The following CCDC63 variants were observed in gnomAD, a reference collection of about 807,000 sequenced individuals.
The protein encoded by CCDC63 is coiled-coil domain containing 63.
A neutral mutation model predicts 63.6 loss-of-function variants in CCDC63; 54 were observed. The observed-to-expected ratio is 0.85, with a 90% CI of 0.68 to 1.07. The LOEUF is 1.07. Ranked by LOEUF, CCDC63 falls within the 50% of genes least tolerant of loss-of-function variation. CCDC63 has a pLI of 0.00. For missense variants in CCDC63, 637 were observed against 689.6 expected (o/e 0.92, Z 0.86); for synonymous variants, 253 against 266.1 (o/e 0.95, Z 0.48).
At chr12:110,856,844 CTTTTTTTT>C (rs34855503) in intron 3 of CCDC63, among the ~76,000 whole-genome samples, 1 of 115,548 alleles carries the variant, frequency 8.7e-6, no homozygotes, top group African/African-American at 3.0e-5. Context: ...CCTTTCCTTT[CTTTTTTTT>C]TTTTTTTTTT....
chr12:110,884,723 G>C (rs1359393058), intron 8 of CCDC63, among the ~76,000 whole-genome samples: 1 of 151,848 alleles, frequency 6.6e-6, no homozygotes, highest in African/African-American at 2.4e-5. Flanking sequence ...GTCTTGCTCT[G>C]TCATCCAGGC....
chr12:110,901,715 C>G (rs962626372), intron 10 of CCDC63, among the ~76,000 whole-genome samples: 3 of 152,214 alleles, frequency 2.0e-5, no homozygotes, highest in Non-Finnish European at 4.4e-5. Flanking sequence ...TTTCAGTTAA[C>G]ATAATGACCT....
At chr12:110,857,888 CAT>C (rs1466271486) in intron 3 of CCDC63, among the ~76,000 whole-genome samples, 1 of 152,116 alleles carries the variant, frequency 6.6e-6, no homozygotes, top group Non-Finnish European at 1.5e-5. Context: ...AGGTGGATCA[CAT>C]GAGGCCAGTA....
At chr12:110,852,037 T>C (rs941640181) in intron 1 of CCDC63, among the ~76,000 whole-genome samples, 5 of 152,198 alleles carry the variant, frequency 3.3e-5, no homozygotes, top group African/African-American at 1.2e-4. Flanking sequence ...TCCTGCAGTC[T>C]GGAATTGGCT....
chr12:110,849,199 G>A (rs1175953470), intron 1 of CCDC63, among the ~76,000 whole-genome samples: 3 of 152,222 alleles, frequency 2.0e-5, no homozygotes, highest in African/African-American at 7.2e-5. Flanking sequence ...GACCATGTCA[G>A]TTAGGAATGC....
At position 110,880,050 on chromosome 12, in the gene CCDC63, T is replaced by A; in HGVS notation, c.634T>A (p.Leu212Met). ...CLLMEKKTMN[L>M]AIEQSSQAYE... Reference sequence around the variant, plus strand: ...GTTGATGGAGAAGAAAACCATGAACTTGGCCATTGAGCAATCTTCTCAGGC... The same window carrying A: ...GTTGATGGAGAAGAAAACCATGAACATGGCCATTGAGCAATCTTCTCAGGC... Residue 212 changes from leucine to methionine, a missense_variant, in exon 6 of 12, where the codon TTG (leucine) becomes ATG (methionine). Coordinates refer to ENST00000308208, the MANE Select transcript of CCDC63 (RefSeq NM_152591.3). 6.2e-7 allele frequency: 1 copy of A among 1,614,148 alleles called. No homozygotes were observed. The highest frequency in any genetic ancestry group is 1.7e-4 in the Middle Eastern group (1 of 6,058).
chr12:110,906,809 G>A (rs527315743), intron 11 of CCDC63, among the ~76,000 whole-genome samples: 54 of 152,254 alleles, frequency 3.5e-4, no homozygotes, highest in Admixed American at 1.2e-3. Flanking sequence ...GGAGAGGTGG[G>A]CCAAGCTGCT....
intron 4 of CCDC63, among the ~76,000 whole-genome samples, chr12:110,867,809 C>T (rs2070991649): frequency 2.0e-5 from 3 of 150,926 alleles, no homozygotes; most frequent in Admixed American, 2.0e-4. Context: ...GGGCTCCTCA[C>T]TTCCCAGTAG....
intron 8 of CCDC63, among the ~76,000 whole-genome samples, chr12:110,887,476 C>T (rs1467074327): frequency 1.3e-5 from 2 of 151,558 alleles, no homozygotes; most frequent in Non-Finnish European, 2.9e-5. Flanking sequence ...TTGTTTAATC[C>T]CATGTTATGA....
chr12:110,899,193 G>C, intron 10 of CCDC63, 68 bp downstream of exon 10: 1 of 1,410,602 alleles, frequency 7.1e-7, no homozygotes, highest in Admixed American at 2.1e-5. Context: ...CTGAGCATAA[G>C]GCCTTGCTCT....
At chr12:110,854,080 G>A (rs2070738746) in intron 3 of CCDC63, among the ~76,000 whole-genome samples, 1 of 152,042 alleles carries the variant, frequency 6.6e-6, no homozygotes, top group Admixed American at 6.6e-5. Flanking sequence ...GGCTTGAGAG[G>A]GCAAGGGACA....
chr12:110,847,566 G>A (rs201514159), intron 1 of CCDC63, among the ~76,000 whole-genome samples: 21 of 146,858 alleles, frequency 1.4e-4, no homozygotes, highest in South Asian at 2.1e-4. Context: ...CTCAAAAAAG[G>A]AAAAAAAAAA....
intron 10 of CCDC63, among the ~76,000 whole-genome samples, chr12:110,901,923 T>C (rs1223094228): frequency 6.6e-6 from 1 of 152,090 alleles, no homozygotes; most frequent in Non-Finnish European, 1.5e-5. Flanking sequence ...CTCTGCCTCC[T>C]GGGTTCAAGT....
chr12:110,874,100 AG>A, intron 5 of CCDC63, 139 bp downstream of exon 5: 2 of 1,142,980 alleles, frequency 1.7e-6, no homozygotes, highest in Non-Finnish European at 2.4e-6. Flanking sequence ...ATGGCCACAC[AG>A]GCCAGGAAGC....
intron 7 of CCDC63, among the ~76,000 whole-genome samples, chr12:110,883,488 GT>G: frequency 6.6e-6 from 1 of 152,216 alleles, no homozygotes; most frequent in Non-Finnish European, 1.5e-5. Flanking sequence ...CTAGCACAGT[GT>G]GTGACTCATA....
Position 110,904,798 on chromosome 12 carries a change from T to C in CCDC63, c.1546+7T>C. 6.3e-7 allele frequency: 1 copy of C among 1,584,474 alleles called. No individual in the cohort carries two copies. Among genetic ancestry groups the C allele is most frequent in the Middle Eastern group, 1.7e-4 (1 of 5,924 alleles). On this transcript the variant is annotated splice_region_variant and intron_variant, in intron 11 of 11. Coordinates refer to ENST00000308208, the MANE Select transcript of CCDC63 (RefSeq NM_152591.3). ...AGCGACAGGTTGGATGATGGTGAGT[T>C]CTCTCTCTCTCAATCTGCACAGGTT...
intron 4 of CCDC63, among the ~76,000 whole-genome samples, chr12:110,868,140 C>G (rs1328533257): frequency 2.0e-5 from 3 of 149,194 alleles, no homozygotes; most frequent in Non-Finnish European, 4.5e-5. Flanking sequence ...GATGGGCGGC[C>G]GGGCAGAGAC....
chr12:110,848,653 C>T (rs931323865), intron 1 of CCDC63, among the ~76,000 whole-genome samples: 3 of 152,148 alleles, frequency 2.0e-5, no homozygotes, highest in Non-Finnish European at 2.9e-5. Context: ...GTTCGCCCAG[C>T]GTCTGTCATG....
chr12:110,874,032 G>A, intron 5 of CCDC63, 71 bp downstream of exon 5: 1 of 1,541,522 alleles, frequency 6.5e-7, no homozygotes, highest in Non-Finnish European at 8.8e-7. Flanking sequence ...AATGATGTCT[G>A]CCCAGCCATT....
Sources: gnomAD v4.1 joint callset for allele counts (sites outside exome capture counted in the v4.1 genomes callset) on GRCh38, gnomAD v4.1.1 for gene constraint, MANE v1.5 for transcripts, NCBI Gene and HGNC (gene_info 2026-07-23, HGNC 2026-07-21) for gene names.